The following SFXN5 variants were observed in gnomAD, a reference collection of about 807,000 sequenced individuals.
SFXN5 encodes sideroflexin 5.
SFXN5 carries 43 observed loss-of-function variants against 50.2 expected under a neutral mutation model. The observed-to-expected ratio is 0.86, with a 90% CI of 0.67 to 1.11. The LOEUF (loss-of-function observed/expected upper bound fraction) is 1.11, where lower values mean the gene tolerates loss of function less well. Ranked by LOEUF, SFXN5 falls within the 50% of genes least tolerant of loss-of-function variation. The pLI is 0.00. For missense variants in SFXN5, 463 were observed against 454.1 expected (o/e 1.02, Z -0.18); for synonymous variants, 203 against 185.8 (o/e 1.09, Z -0.75).
rs763106280 is a variant in SFXN5, at chr2:72,961,286, AGGTGG to A, written c.828-43_828-39del. 1 of 1,425,356 alleles carries A rather than the reference AGGTGG, an allele frequency of 7.0e-7. No homozygotes were observed. The highest frequency in any genetic ancestry group is 1.5e-5 in the African/African-American group (1 of 67,156). The allele number at this position is 1,425,356 out of a possible 1,614,324, so 88.3% of individuals were successfully genotyped here. On this transcript the variant is annotated intron_variant, in intron 12 of 13. Transcript: ENST00000272433. The surrounding 1 kb of genome is among the most constrained non-coding windows in gnomAD (Gnocchi z 4.4). ...GAGGAGGGAGCCCCATGAGACCCGA[AGGTGG>A]GGTGGGCTGGCTGCCAGCCACCATG...
At chr2:72,959,630 C>G (rs1673484974) in intron 13 of SFXN5, among the ~76,000 whole-genome samples, 2 of 152,136 alleles carry the variant, frequency 1.3e-5, no homozygotes, top group South Asian at 4.1e-4. Context: ...TTCCTCCCAC[C>G]CCACTCCTCT....
At chr2:73,021,861 G>T (rs1413915454) in intron 5 of SFXN5, among the ~76,000 whole-genome samples, 1 of 152,204 alleles carries the variant, frequency 6.6e-6, no homozygotes, top group African/African-American at 2.4e-5. Context: ...AAGCATGCCA[G>T]CCTAGCTCGT....
intron 2 of SFXN5, 200 bp downstream of exon 2, chr2:73,058,328 T>C (rs1440652293): frequency 1.9e-6 from 1 of 532,100 alleles, no homozygotes; most frequent in African/African-American, 1.9e-5. Flanking sequence ...TACAGCACAA[T>C]GTATCAACTC....
chr2:72,994,156 T>G (rs1672937784), intron 9 of SFXN5, among the ~76,000 whole-genome samples: 1 of 152,130 alleles, frequency 6.6e-6, no homozygotes, highest in African/African-American at 2.4e-5. Context: ...TAAGCCTGGG[T>G]AGGCCCTGTC....
chr2:73,047,086 G>A (rs759180684), intron 2 of SFXN5, among the ~76,000 whole-genome samples: 11 of 149,072 alleles, frequency 7.4e-5, no homozygotes, highest in Non-Finnish European at 1.2e-4. Context: ...TTAGCTGGAC[G>A]TGGTGGCAGG....
chr2:73,054,739 C>T (rs1681869208), intron 2 of SFXN5, among the ~76,000 whole-genome samples: 1 of 152,226 alleles, frequency 6.6e-6, no homozygotes, highest in Non-Finnish European at 1.5e-5. Context: ...TCAGCTGACT[C>T]CTCCATCAAA....
intron 1 of SFXN5, among the ~76,000 whole-genome samples, chr2:73,067,301 G>T (rs1253854228): frequency 6.6e-6 from 1 of 152,152 alleles, no homozygotes; most frequent in Non-Finnish European, 1.5e-5. Context: ...TATGACTGCC[G>T]CAGACCAGAG....
intron 4 of SFXN5, among the ~76,000 whole-genome samples, chr2:73,022,955 G>A (rs114199353): frequency 2.0e-5 from 3 of 152,294 alleles, no homozygotes; most frequent in African/African-American, 7.2e-5. Context: ...ACAGAGCCCT[G>A]TCTCTTCTGG....
At chr2:72,985,099 C>G (rs1184746349) in intron 10 of SFXN5, among the ~76,000 whole-genome samples, 1 of 152,208 alleles carries the variant, frequency 6.6e-6, no homozygotes, top group African/African-American at 2.4e-5. Context: ...ATCCCAACAA[C>G]AGAGCTTAAA....
chr2:72,971,885 A>G (rs906848970), intron 10 of SFXN5, among the ~76,000 whole-genome samples, 200 bp from the exon 11 acceptor site: 6 of 152,144 alleles, frequency 3.9e-5, no homozygotes, highest in Admixed American at 3.3e-4. Flanking sequence ...GAACCTGGTA[A>G]GTGAAAGTGG....
intron 3 of SFXN5, among the ~76,000 whole-genome samples, chr2:73,037,250 C>A (rs1432574428): frequency 6.6e-6 from 1 of 152,184 alleles, no homozygotes; most frequent in Non-Finnish European, 1.5e-5. Context: ...GGGAGGGTCA[C>A]CCCTTCCACG....
rs1030696855 is a variant in SFXN5, at chr2:72,985,052, C to G, written c.625+3206G>C. On this transcript the variant is annotated intron_variant, in intron 10 of 13. Coordinates refer to ENST00000272433, the MANE Select transcript of SFXN5 (RefSeq NM_144579.3). ...CACAGGGCACAAGCCTCTTCAGGAC[C>G]CCCATCACCCTGAAGACCCCCTTCC... 3.9e-5 allele frequency among the ~76,000 whole-genome samples: 6 copies of G among 152,188 alleles called. No individual in the cohort carries two copies. In the East Asian group the frequency reaches 1.2e-3, roughly 29 times the overall value.
chr2:73,036,509 A>G (rs963802845), intron 3 of SFXN5, among the ~76,000 whole-genome samples: 1 of 152,142 alleles, frequency 6.6e-6, no homozygotes, highest in African/African-American at 2.4e-5. Context: ...CCCTCCACCC[A>G]GTTCCCCTCC....
Position 72,996,139 on chromosome 2 carries a change from G to A in SFXN5, c.534+2810C>T, listed in dbSNP as rs562766461. 1.6e-4 allele frequency among the ~76,000 whole-genome samples: 25 copies of A among 152,336 alleles called. No homozygotes were observed. In the East Asian group the frequency reaches 3.5e-3, roughly 21 times the overall value. On this transcript the variant is annotated intron_variant, in intron 9 of 13. Transcript: ENST00000272433. ...CACTAAGGGGACAGGGACACAGTGC[G>A]ACTGAGTGTGAGTGGGGAGGACAGG...
At chr2:72,977,349 G>GATGTATGT (rs1670744600) in intron 10 of SFXN5, among the ~76,000 whole-genome samples, 2 of 152,098 alleles carry the variant, frequency 1.3e-5, no homozygotes, top group Non-Finnish European at 2.9e-5. Flanking sequence ...AAATCCATAC[G>GATGTATGT]ATGTATAAGA....
rs1678888541 is a variant in SFXN5 at position 73,035,727 on chromosome 2, T to C, written c.249+5127A>G. On this transcript the variant is annotated intron_variant, in intron 3 of 13. Coordinates refer to ENST00000272433, the MANE Select transcript of SFXN5 (RefSeq NM_144579.3). ...ATTGGTCAGGCTGGTCTCGAACTCC[T>C]GACTTTAGGTGATCCACCTGTCTTG... is the stretch of plus-strand genomic sequence containing the variant. Among the ~76,000 whole-genome samples, 3 of 152,254 alleles carry C rather than the reference T, an allele frequency of 2.0e-5. 1 individual carries two copies. In the South Asian group the frequency reaches 6.2e-4, roughly 32 times the overall value.
Position 73,056,677 on chromosome 2 carries a change from C to A in SFXN5, c.171+1851G>T, listed in dbSNP as rs147817294. On this transcript the variant is annotated intron_variant, in intron 2 of 13. Transcript: ENST00000272433. ...TCCTATCTGGGCAACAAGAGCAAAACTCCGTCTCAAAAAAAAAAAAAAACA... is the reference window on the plus strand; with the variant it reads ...TCCTATCTGGGCAACAAGAGCAAAAATCCGTCTCAAAAAAAAAAAAAAACA... 4.3e-3 allele frequency among the ~76,000 whole-genome samples: 640 copies of A among 149,390 alleles called. 8 individuals are homozygous for A. The highest frequency in any genetic ancestry group is 0.014 in the African/African-American group (574 of 40,488).
intron 9 of SFXN5, among the ~76,000 whole-genome samples, chr2:72,989,638 C>T (rs964705380): frequency 6.6e-6 from 1 of 151,940 alleles, no homozygotes; most frequent in Non-Finnish European, 1.5e-5. Flanking sequence ...AACAAACATA[C>T]GACGGCATGG....
At chr2:72,991,408 G>A (rs973508902) in intron 9 of SFXN5, among the ~76,000 whole-genome samples, 2 of 152,398 alleles carry the variant, frequency 1.3e-5, no homozygotes, top group African/African-American at 4.8e-5. Flanking sequence ...AGGGGCTGGG[G>A]ACCAGCAAAG....
Sources: allele counts gnomAD v4.1 joint callset (sites outside exome capture counted in the v4.1 genomes callset), GRCh38; gene constraint gnomAD v4.1.1; non-coding constraint Gnocchi (gnomAD v3.1); transcripts MANE v1.5; gene names NCBI Gene and HGNC (gene_info 2026-07-23, HGNC 2026-07-21).